The following CDH20 variants were observed in gnomAD, a reference collection of about 807,000 sequenced individuals.
The protein encoded by CDH20 is cadherin-20.
A neutral mutation model predicts 74.2 loss-of-function variants in CDH20; 29 were observed. The ratio of observed to expected loss-of-function variants is 0.39; its 90% CI spans 0.29 to 0.53. The LOEUF is 0.53. Ranked by LOEUF, CDH20 falls within the 20% of genes least tolerant of loss-of-function variation. The probability of loss-of-function intolerance (pLI) is 0.69; values close to 1 mark genes in which losing one functional copy is unlikely to be tolerated. For synonymous variants in CDH20, 469 were observed against 405.4 expected, an observed-to-expected ratio of 1.16 and a Z score of -1.88; for missense variants, 988 against 1,048.3, an observed-to-expected ratio of 0.94 and a Z score of 0.79.
intron 1 of CDH20, among the ~76,000 whole-genome samples, chr18:61,337,813 C>A (rs190251113): frequency 1.4e-4 from 22 of 152,094 alleles, no homozygotes; most frequent in African/African-American, 5.1e-4. Context: ...AAGAACCATG[C>A]GTTCATTAGG....
At chr18:61,345,291 G>A (rs1038413898) in intron 1 of CDH20, among the ~76,000 whole-genome samples, 1 of 152,146 alleles carries the variant, frequency 6.6e-6, no homozygotes, top group Non-Finnish European at 1.5e-5. Context: ...GTAGGAGGGA[G>A]CCCAAGCACT....
At chr18:61,487,537 G>A (rs569358070) in intron 1 of CDH20, among the ~76,000 whole-genome samples, 5 of 152,208 alleles carry the variant, frequency 3.3e-5, no homozygotes, top group South Asian at 4.2e-4. Flanking sequence ...ACGACATTGC[G>A]GTCTTTGTGA....
chr18:61,444,579 A>T lies in CDH20; in HGVS notation c.-152-45823A>T, dbSNP rs116598920. Among the ~76,000 whole-genome samples, 1,189 of 152,260 alleles carry T rather than the reference A, an allele frequency of 7.8e-3. 23 individuals carry two copies. Among genetic ancestry groups the T allele is most frequent in the African/African-American group, 0.027 (1,106 of 41,556 alleles). On this transcript the variant is annotated intron_variant, in intron 1 of 11. Transcript: ENST00000262717. The stretch of plus-strand genomic sequence containing the variant: ...CTGGTAGTCTTTTAAAGGAAAATAG[A>T]TTAATCTGTCTGAGGAAGGTCAAGA...
chr18:61,340,232 T>TTTTTTTTTTTTTC (rs930348546), intron 1 of CDH20, among the ~76,000 whole-genome samples: 8 of 150,202 alleles, frequency 5.3e-5, no homozygotes, highest in African/African-American at 2.0e-4. Context: ...CCTTCTTTTT[T>TTTTTTTTTTTTTC]TTTTAAAGGT....
intron 2 of CDH20, among the ~76,000 whole-genome samples, chr18:61,493,381 C>G (rs1207430018): frequency 6.6e-6 from 1 of 152,184 alleles, no homozygotes; most frequent in African/African-American, 2.4e-5. Flanking sequence ...GCATTCCTCT[C>G]CCTGAAGCAC....
rs976572195 is a variant in CDH20, at chr18:61,433,094, C to T, written c.-152-57308C>T. ...GGCTATGTGACCTTGAATGAGTTAC[C>T]TCTCTAGGCCTCAGTTTTCACATCT... On this transcript the variant is annotated intron_variant, in intron 1 of 11. Coordinates refer to ENST00000262717, the MANE Select transcript of CDH20 (RefSeq NM_031891.4). Among the ~76,000 whole-genome samples the T allele has an allele frequency of 5.3e-5, 8 of 151,898 alleles. 1 individual carries two copies. Among genetic ancestry groups the T allele is most frequent in the Admixed American group, 4.6e-4 (7 of 15,240 alleles).
chr18:61,362,909 GATGAAATGCATTAGGAGCAAA>G (rs911838812), intron 1 of CDH20, among the ~76,000 whole-genome samples: 2 of 152,082 alleles, frequency 1.3e-5, no homozygotes, highest in Non-Finnish European at 2.9e-5. Flanking sequence ...TTTGGCCAAT[GATGAAATGCATTAGGAGCAAA>G]ATCATAGTTA....
rs184394981 is a variant in CDH20, at chr18:61,521,334, A to G, written c.1018-6633A>G. Among the ~76,000 whole-genome samples the G allele has an allele frequency of 4.5e-3, 675 of 151,456 alleles. 31 individuals are homozygous for G. The highest frequency in any genetic ancestry group is 0.016 in the African/African-American group (648 of 40,820). On this transcript the variant is annotated intron_variant, in intron 6 of 11. Coordinates refer to ENST00000262717, the MANE Select transcript of CDH20 (RefSeq NM_031891.4). ...AAACTAGAAAATCTAGAAGAAATGG[A>G]TACATTCCTGGACACATACACCCTC... is the stretch of plus-strand genomic sequence containing the variant.
Position 61,490,775 on chromosome 18 carries a change from G to A in CDH20, c.222G>A (p.Gly74=). The part of the protein sequence containing the change: ...NQFFVLEEYT[G]TDPLYVGKLH... ...TTTTCGTTCTGGAAGAGTACACTGG[G>A]ACCGACCCTTTGTATGTCGGCAAGG... The change falls in exon 2 of 12, where the codon GGG becomes GGA. Residue 74 remains glycine (G), a synonymous_variant. Transcript: ENST00000262717. 1.2e-6 allele frequency: 2 copies of A among 1,614,142 alleles called. No individual in the cohort carries two copies. The highest frequency in any genetic ancestry group is 1.3e-5 in the African/African-American group (1 of 75,046).
chr18:61,476,186 C>T (rs761502134), intron 1 of CDH20, among the ~76,000 whole-genome samples: 5 of 152,166 alleles, frequency 3.3e-5, no homozygotes, highest in South Asian at 2.1e-4. Flanking sequence ...GAAGACATGG[C>T]TTCTGCTTCA....
chr18:61,509,492 G>C (rs1911703531), intron 6 of CDH20, among the ~76,000 whole-genome samples: 1 of 152,168 alleles, frequency 6.6e-6, no homozygotes, highest in Non-Finnish European at 1.5e-5. Flanking sequence ...TGTATTTCAA[G>C]AACAGCAACA....
intron 1 of CDH20, among the ~76,000 whole-genome samples, chr18:61,428,133 C>T (rs904639207): frequency 4.6e-5 from 7 of 152,162 alleles, no homozygotes; most frequent in African/African-American, 1.4e-4. Flanking sequence ...TTCTCCCTCC[C>T]TTGAGTCCCT....
chr18:61,495,183 C>T (rs1471044024), intron 2 of CDH20, among the ~76,000 whole-genome samples: 1 of 152,210 alleles, frequency 6.6e-6, no homozygotes, highest in African/African-American at 2.4e-5. Context: ...AGCTGGTGCG[C>T]AGTCAGTGTT....
intron 1 of CDH20, among the ~76,000 whole-genome samples, chr18:61,450,673 A>C (rs144183385): frequency 7.4e-4 from 113 of 152,186 alleles, no homozygotes; most frequent in Admixed American, 1.5e-3. Flanking sequence ...GATTTTCTGT[A>C]CACATATATG....
At chr18:61,420,172 C>T (rs2144271050) in intron 1 of CDH20, among the ~76,000 whole-genome samples, 1 of 152,224 alleles carries the variant, frequency 6.6e-6, no homozygotes, top group East Asian at 1.9e-4. Flanking sequence ...TTTTTTAATA[C>T]TTTTTAAAGC....
intron 1 of CDH20, among the ~76,000 whole-genome samples, chr18:61,403,023 ATAAAT>A (rs1351448731): frequency 6.6e-6 from 1 of 152,338 alleles, no homozygotes; most frequent in Non-Finnish European, 1.5e-5. Flanking sequence ...CTAATATGGT[ATAAAT>A]TTTAACAACC....
In CDH20 at chr18:61,362,939, T is replaced by G. The variant is rs4941013; in HGVS notation, c.-153+29112T>G. Among the ~76,000 whole-genome samples, 1,032 of 152,282 alleles carry G rather than the reference T, an allele frequency of 6.8e-3. 29 individuals are homozygous for G. The highest frequency in any genetic ancestry group is 0.055 in the Admixed American group (834 of 15,280). On this transcript the variant is annotated intron_variant, in intron 1 of 11. Coordinates refer to ENST00000262717, the MANE Select transcript of CDH20 (RefSeq NM_031891.4). ...AATGCATTAGGAGCAAAATCATAGTTAACTAACCTCCACAGAAGATAAAGC... is the reference window on the plus strand; with the variant it reads ...AATGCATTAGGAGCAAAATCATAGTGAACTAACCTCCACAGAAGATAAAGC...
At chr18:61,479,689 C>A (rs1030388390) in intron 1 of CDH20, among the ~76,000 whole-genome samples, 22 of 151,838 alleles carry the variant, frequency 1.4e-4, no homozygotes, top group African/African-American at 5.1e-4. Context: ...CTCAAAAAAT[C>A]TGTCCTGTGC....
chr18:61,433,805 A>G (rs1908734492), intron 1 of CDH20, among the ~76,000 whole-genome samples: 1 of 152,166 alleles, frequency 6.6e-6, no homozygotes, highest in Non-Finnish European at 1.5e-5. Flanking sequence ...TGTGTTGTTC[A>G]AGAGCAGGAT....
Sources: allele counts gnomAD v4.1 joint callset (sites outside exome capture counted in the v4.1 genomes callset), GRCh38; gene constraint gnomAD v4.1.1; transcripts MANE v1.5; gene names NCBI Gene and HGNC (gene_info 2026-07-23, HGNC 2026-07-21).